The following AFF2 variants were observed in gnomAD, a reference collection of about 807,000 sequenced individuals.
AFF2 encodes the protein AF4/FMR2 family member 2.
In AFF2, 14 loss-of-function variants were observed where a neutral mutation model predicts 76.9. That is an observed-to-expected ratio of 0.18 (90% CI 0.12 to 0.28). AFF2 has a LOEUF of 0.28. AFF2 is among the 10% of genes least tolerant of loss of function. AFF2 has a pLI of 1.00. For missense variants in AFF2, 868 were observed against 1,001.1 expected (o/e 0.87, Z 1.79); for synonymous variants, 398 against 366.7 (o/e 1.09, Z -0.98).
At chrX:148,899,551 T>G (rs1156889455) in intron 8 of AFF2, among the ~76,000 whole-genome samples, 1 of 112,255 alleles carries the variant, frequency 8.9e-6, no homozygotes, top group African/African-American at 3.2e-5. Flanking sequence ...TTCTGTCTTT[T>G]TCCATGTTGT....
intron 1 of AFF2, among the ~76,000 whole-genome samples, chrX:148,535,937 CT>C (rs1214770784): frequency 1.8e-5 from 2 of 112,177 alleles, no homozygotes; most frequent in Admixed American, 1.9e-4. Context: ...GAGTGCCCCC[CT>C]CATTCCCATT....
chrX:148,627,463 G>A (rs1477320645), intron 1 of AFF2, among the ~76,000 whole-genome samples: 1 of 111,757 alleles, frequency 8.9e-6, no homozygotes, highest in African/African-American at 3.3e-5. Flanking sequence ...AGGAGTGAGG[G>A]GCAAATTTAG....
intron 1 of AFF2, among the ~76,000 whole-genome samples, chrX:148,585,086 G>A (rs782668554): frequency 8.9e-6 from 1 of 112,139 alleles, no homozygotes; most frequent in African/African-American, 3.2e-5. Context: ...ACTCCTCTGA[G>A]AGTAGTTCAA....
At chrX:148,821,219 A>T (rs1275182360) in intron 4 of AFF2, among the ~76,000 whole-genome samples, 1 of 111,612 alleles carries the variant, frequency 9.0e-6, no homozygotes, top group Non-Finnish European at 1.9e-5. Flanking sequence ...CCTAATTCTC[A>T]GAATTATAGG....
At chrX:148,978,038 A>G in intron 17 of AFF2, 34 bp downstream of exon 17, 3 of 1,049,061 alleles carry the variant, frequency 2.9e-6, no homozygotes, top group Non-Finnish European at 4.0e-6. Flanking sequence ...GAAATTGCTG[A>G]AATGTCATGG....
chrX:148,896,010 A>G (rs2071280158), intron 8 of AFF2, among the ~76,000 whole-genome samples: 1 of 111,626 alleles, frequency 9.0e-6, no homozygotes, highest in Admixed American at 9.5e-5. Context: ...AAAACTTTAT[A>G]GTGAGTGAGA....
At chrX:148,610,429 A>G (rs2053717632) in intron 1 of AFF2, among the ~76,000 whole-genome samples, 1 of 111,730 alleles carries the variant, frequency 9.0e-6, no homozygotes, top group African/African-American at 3.3e-5. Flanking sequence ...TTTCCTTTCA[A>G]AACGATAAAA....
intron 18 of AFF2, 139 bp downstream of exon 18, chrX:148,978,594 C>T (rs782313471): frequency 4.5e-6 from 2 of 439,860 alleles, no homozygotes; most frequent in Middle Eastern, 5.8e-4. Context: ...TCCTACCCTT[C>T]CTTAAGGGCT....
intron 3 of AFF2, among the ~76,000 whole-genome samples, chrX:148,737,222 A>G (rs782259001): frequency 1.5e-4 from 17 of 111,533 alleles, no homozygotes; most frequent in Non-Finnish European, 3.0e-4. Flanking sequence ...GCTCATTTTT[A>G]TAATATTGAT....
In AFF2 at chrX:148,554,880, G is replaced by A. The variant is rs1470417243; in HGVS notation, c.47+53736G>A. On this transcript the variant is annotated intron_variant, in intron 1 of 20. Transcript: ENST00000370460. ...GGGAGAATGGATGGATGCCCAAGAC[G>A]CTGGCAGAGTCAGTCTGGCTATTCC... Among the ~76,000 whole-genome samples the A allele has an allele frequency of 1.6e-4, 18 of 112,417 alleles. No individual in the cohort carries two copies. In the Admixed American group the frequency reaches 1.7e-3, roughly 11 times the overall value.
chrX:148,709,349 T>C lies in AFF2; in HGVS notation c.1041+46581T>C, dbSNP rs151177348. Among the ~76,000 whole-genome samples the C allele has an allele frequency of 2.7e-5, 3 of 111,652 alleles. No homozygotes were observed. In the Admixed American group the frequency reaches 2.9e-4, roughly 11 times the overall value. ...ATTAGAATGACTATTTTTAAGGATG[T>C]CTCTTACACATCCTTGGCACCTGGA... is the stretch of plus-strand genomic sequence containing the variant. On this transcript the variant is annotated intron_variant, in intron 3 of 20. Transcript: ENST00000370460.
intron 1 of AFF2, among the ~76,000 whole-genome samples, chrX:148,626,826 C>G (rs1336191891): frequency 3.6e-5 from 4 of 111,441 alleles, no homozygotes; most frequent in Non-Finnish European, 7.5e-5. Flanking sequence ...TCTTGAGATT[C>G]TTAATTTAAT....
At chrX:148,912,788 T>C (rs1457352917) in intron 9 of AFF2, among the ~76,000 whole-genome samples, 1 of 111,585 alleles carries the variant, frequency 9.0e-6, no homozygotes, top group African/African-American at 3.3e-5. Context: ...AATGAAGGTA[T>C]AGGAAATTTT....
At chrX:148,551,843 G>A (rs2052997403) in intron 1 of AFF2, among the ~76,000 whole-genome samples, 1 of 112,195 alleles carries the variant, frequency 8.9e-6, no homozygotes, top group Non-Finnish European at 1.9e-5. Flanking sequence ...TGCTAACAAT[G>A]TGGGTTATGG....
intron 1 of AFF2, among the ~76,000 whole-genome samples, chrX:148,627,332 C>T (rs1557252255): frequency 8.9e-6 from 1 of 111,805 alleles, no homozygotes; most frequent in Non-Finnish European, 1.9e-5. Flanking sequence ...AAACGTTTTT[C>T]GAGGTGGAGA....
At chrX:148,633,542 A>G (rs2054000566) in intron 1 of AFF2, among the ~76,000 whole-genome samples, 1 of 112,402 alleles carries the variant, frequency 8.9e-6, no homozygotes, top group Non-Finnish European at 1.9e-5. Flanking sequence ...TGTTGTCCCT[A>G]GAAGATAAAA....
intron 3 of AFF2, among the ~76,000 whole-genome samples, chrX:148,676,800 A>G (rs2054491544): frequency 8.9e-6 from 1 of 111,758 alleles, no homozygotes; most frequent in Non-Finnish European, 1.9e-5. Context: ...CATGAGACAC[A>G]AGAGTCAGCT....
chrX:148,569,508 C>T (rs1603245193), intron 1 of AFF2, among the ~76,000 whole-genome samples: 2 of 111,558 alleles, frequency 1.8e-5, no homozygotes, highest in Non-Finnish European at 3.8e-5. Context: ...ATTTTCTAGA[C>T]ACATTTTATT....
intron 3 of AFF2, among the ~76,000 whole-genome samples, chrX:148,772,717 A>C (rs1336023459): frequency 1.8e-5 from 2 of 110,741 alleles, no homozygotes; most frequent in Non-Finnish European, 3.8e-5. Context: ...GGCAGTAAAG[A>C]TATTGAAACT....
Sources: gnomAD v4.1 joint callset for allele counts (sites outside exome capture counted in the v4.1 genomes callset) on GRCh38, gnomAD v4.1.1 for gene constraint, MANE v1.5 for transcripts, NCBI Gene and HGNC (gene_info 2026-07-23, HGNC 2026-07-21) for gene names.